ENAH: variants seen among roughly 807,000 people sequenced by gnomAD.
ENAH encodes protein enabled homolog.
Under a neutral mutation model 78.7 loss-of-function variants are expected in ENAH, and 23 were observed. That is an observed-to-expected ratio of 0.29 (90% CI 0.21 to 0.41). The LOEUF is 0.41. Ranked by LOEUF, ENAH falls within the 10% of genes least tolerant of loss-of-function variation. The probability of loss-of-function intolerance (pLI) is 1.00; values close to 1 mark genes in which losing one functional copy is unlikely to be tolerated. For missense variants in ENAH, 544 were observed against 691.0 expected, an observed-to-expected ratio of 0.79 and a Z score of 2.39; for synonymous variants, 226 against 241.0, an observed-to-expected ratio of 0.94 and a Z score of 0.58.
chr1:225,558,375 T>G (rs2096679121), intron 2 of ENAH, among the ~76,000 whole-genome samples: 1 of 152,178 alleles, frequency 6.6e-6, no homozygotes, highest in Non-Finnish European at 1.5e-5. Context: ...CTTTTACTTC[T>G]TTTAATGATA....
intron 4 of ENAH, among the ~76,000 whole-genome samples, chr1:225,529,215 A>G (rs1400549845): frequency 1.3e-5 from 2 of 152,198 alleles, no homozygotes; most frequent in African/African-American, 2.4e-5. Flanking sequence ...AATTCTTCAC[A>G]GTAGCCTGCA....
chr1:225,586,694 C>T (rs1056624201), intron 1 of ENAH, among the ~76,000 whole-genome samples: 3 of 151,806 alleles, frequency 2.0e-5, no homozygotes, highest in Non-Finnish European at 4.4e-5. Context: ...GGTAATTCAC[C>T]GTAACAGAAT....
intron 11 of ENAH, 133 bp downstream of exon 11, chr1:225,507,818 T>C (rs2096345750): frequency 1.8e-6 from 1 of 550,582 alleles, no homozygotes; most frequent in Admixed American, 3.7e-5. Context: ...GGTTGTCCAA[T>C]ACTAGGAGGA....
At chr1:225,536,179 C>T (rs1211351624) in intron 3 of ENAH, among the ~76,000 whole-genome samples, 2 of 151,926 alleles carry the variant, frequency 1.3e-5, no homozygotes, top group African/African-American at 2.4e-5. Context: ...TATATATATA[C>T]ATACTTGACA....
chr1:225,551,567 T>C (rs774331472), intron 3 of ENAH, among the ~76,000 whole-genome samples: 7 of 152,122 alleles, frequency 4.6e-5, no homozygotes, highest in Admixed American at 6.5e-5. Flanking sequence ...TCCGGAACCC[T>C]ATATCAATCA....
In ENAH at chr1:225,486,832, G is replaced by T. The variant is rs1462114306; in HGVS notation, c.*10943C>A. On this transcript the variant is annotated 3_prime_UTR_variant, in exon 14 of 14. Transcript: ENST00000366843. ...GGTAAAATAAATACAAATCTCATTT[G>T]AATTAAGTATTTCATGTTTTTATTT... The T allele has an allele frequency of 6.6e-6, 1 of 152,626 alleles. No homozygotes were observed. Among genetic ancestry groups the T allele is most frequent in the East Asian group, 1.9e-4 (1 of 5,198 alleles). 9.5% of individuals were successfully genotyped at this position (152,626 alleles called of 1,614,324 possible).
intron 1 of ENAH, among the ~76,000 whole-genome samples, chr1:225,650,438 T>C (rs1297747195): frequency 6.6e-6 from 1 of 152,240 alleles, no homozygotes; most frequent in Admixed American, 6.5e-5. Context: ...ATAATTTACC[T>C]GTGACAGACT....
At chr1:225,601,329 G>C (rs1387769058) in intron 1 of ENAH, among the ~76,000 whole-genome samples, 2 of 152,046 alleles carry the variant, frequency 1.3e-5, no homozygotes, top group African/African-American at 4.8e-5. Flanking sequence ...GACCATCCTG[G>C]CTAACAGTGA....
intron 1 of ENAH, among the ~76,000 whole-genome samples, chr1:225,568,036 C>T (rs2096743290): frequency 6.6e-6 from 1 of 152,132 alleles, no homozygotes; most frequent in African/African-American, 2.4e-5. Flanking sequence ...GGCAAGATAA[C>T]ATCTTGTGCT....
chr1:225,549,515 C>T (rs1193238551), intron 3 of ENAH, among the ~76,000 whole-genome samples: 2 of 152,142 alleles, frequency 1.3e-5, no homozygotes, highest in African/African-American at 2.4e-5. Flanking sequence ...TCTAAGACCT[C>T]GGTACAAAAG....
chr1:225,602,641 C>T (rs959002011), intron 1 of ENAH, among the ~76,000 whole-genome samples: 3 of 151,830 alleles, frequency 2.0e-5, no homozygotes, highest in Admixed American at 1.3e-4. Flanking sequence ...ATATCAAAAA[C>T]GTATAACAAA....
chr1:225,535,886 T>G (rs1414571260), intron 3 of ENAH, among the ~76,000 whole-genome samples: 2 of 152,058 alleles, frequency 1.3e-5, no homozygotes, highest in African/African-American at 4.8e-5. Flanking sequence ...ATTTTTAAAG[T>G]CAATGAAGAT....
chr1:225,554,124 T>G (rs951202900), intron 3 of ENAH, among the ~76,000 whole-genome samples: 7 of 152,234 alleles, frequency 4.6e-5, no homozygotes, highest in Admixed American at 4.6e-4. Context: ...TTGTTTACAG[T>G]ACATTTATAT....
chr1:225,556,949 AGCACAT>A (rs1331129309), intron 2 of ENAH, among the ~76,000 whole-genome samples: 1 of 152,224 alleles, frequency 6.6e-6, no homozygotes, highest in African/African-American at 2.4e-5. Context: ...GTTTGCCTGC[AGCACAT>A]AAATCAAGTG....
At position 225,653,112 on chromosome 1, in the gene ENAH, G is replaced by T; in HGVS notation, c.-422C>A. Reference sequence around the variant, plus strand: ...TGCAACCGGCAGCTGCTGCAGCCGCGGGAGGAGAGTCGGGATCGCCGCGAG... The same window carrying T: ...TGCAACCGGCAGCTGCTGCAGCCGCTGGAGGAGAGTCGGGATCGCCGCGAG... On this transcript the variant is annotated 5_prime_UTR_variant, in exon 1 of 14. Coordinates refer to ENST00000366843, the MANE Select transcript of ENAH (RefSeq NM_018212.6). The surrounding 1 kb of genome is among the most constrained non-coding windows in gnomAD (Gnocchi z 4.3). The T allele has an allele frequency of 6.6e-6, 1 of 152,228 alleles. No homozygotes were observed. Among genetic ancestry groups the T allele is most frequent in the South Asian group, 1.9e-4 (1 of 5,294 alleles). 9.4% of individuals were successfully genotyped at this position (152,228 alleles called of 1,614,324 possible). A position where few individuals can be genotyped will look rare whatever the true frequency, so the allele number is the denominator to read the frequency against.
intron 1 of ENAH, among the ~76,000 whole-genome samples, chr1:225,639,745 A>ACACACACACACACACAC (rs1558949307): frequency 9.9e-6 from 1 of 101,150 alleles, no homozygotes; most frequent in African/African-American, 6.4e-5. Context: ...CACACACACA[A>ACACACACACACACACAC]GAAGGATGGT....
At chr1:225,618,661 T>C (rs1314976518) in intron 1 of ENAH, among the ~76,000 whole-genome samples, 1 of 152,182 alleles carries the variant, frequency 6.6e-6, no homozygotes, top group Non-Finnish European at 1.5e-5. Flanking sequence ...TATAGATGAA[T>C]TCTCAGTGAT....
At chr1:225,609,340 C>CA (rs554470424) in intron 1 of ENAH, among the ~76,000 whole-genome samples, 144 of 143,248 alleles carry the variant, frequency 1.0e-3, no homozygotes, top group South Asian at 3.5e-3. Context: ...AAAGCTGTTT[C>CA]AAAAAAAAAA....
chr1:225,633,927 A>AT (rs1659580115), intron 1 of ENAH, among the ~76,000 whole-genome samples: 1 of 152,204 alleles, frequency 6.6e-6, no homozygotes, highest in Non-Finnish European at 1.5e-5. Flanking sequence ...CAGTAAGGAC[A>AT]TTTAATATCA....
Sources: allele counts gnomAD v4.1 joint callset (sites outside exome capture counted in the v4.1 genomes callset), GRCh38; gene constraint gnomAD v4.1.1; non-coding constraint Gnocchi (gnomAD v3.1); transcripts MANE v1.5; gene names NCBI Gene and HGNC (gene_info 2026-07-23, HGNC 2026-07-21).